The following C16orf74 variants were observed in gnomAD, a reference collection of about 807,000 sequenced individuals.
The protein encoded by C16orf74 is uncharacterized protein C16orf74.
In C16orf74, 10 loss-of-function variants were observed where a neutral mutation model predicts 6.5. That is an observed-to-expected ratio of 1.54 (90% confidence interval 0.95 to 2.61). C16orf74 has a LOEUF of 2.61. Ranked by LOEUF, C16orf74 falls within the 30% of genes most tolerant of loss-of-function variation. The pLI is 0.00. For missense variants in C16orf74, 141 were observed against 105.9 expected, an observed-to-expected ratio of 1.33 and a Z score of -1.45; for synonymous variants, 60 against 42.5, an observed-to-expected ratio of 1.41 and a Z score of -1.60.
chr16:85,745,595 G>C (rs1006646268), intron 1 of C16orf74, among the ~76,000 whole-genome samples: 21 of 151,442 alleles, frequency 1.4e-4, no homozygotes, highest in Admixed American at 1.1e-3. Context: ...ATCTCCCGCT[G>C]GCTGAGGGAC....
intron 2 of C16orf74, among the ~76,000 whole-genome samples, chr16:85,714,174 C>A (rs1407891706): frequency 6.6e-6 from 1 of 152,084 alleles, no homozygotes; most frequent in Non-Finnish European, 1.5e-5. Context: ...ACTCCCTGGG[C>A]TGGGGAGAGA....
rs946973248 is a variant in C16orf74, at chr16:85,707,879, G to C, written c.*129C>G. 2.8e-6 allele frequency: 2 copies of C among 720,342 alleles called. No individual in the cohort carries two copies. The highest frequency in any genetic ancestry group is 1.8e-5 in the African/African-American group (1 of 56,694). The allele number at this position is 720,342 out of a possible 1,614,324, so 44.6% of individuals were successfully genotyped here. On this transcript the variant is annotated 3_prime_UTR_variant, in exon 4 of 4. Coordinates refer to ENST00000284245, the MANE Select transcript of C16orf74 (RefSeq NM_206967.3). ...CGCTGGTCCTGCCACGTCTCTCTGA[G>C]CGGAGGCCCGGGTTCGCTCAGTTCC...
At chr16:85,738,209 C>G (rs966327955) in intron 1 of C16orf74, among the ~76,000 whole-genome samples, 3 of 151,958 alleles carry the variant, frequency 2.0e-5, no homozygotes, top group African/African-American at 7.3e-5. Context: ...CGTGCCACTT[C>G]ACGCCAGCCT....
chr16:85,712,794 G>T (rs149683776), intron 2 of C16orf74, among the ~76,000 whole-genome samples: 3 of 152,190 alleles, frequency 2.0e-5, no homozygotes. Flanking sequence ...GTCTCTGTCC[G>T]CGGTTTCTGA....
At chr16:85,731,443 G>T (rs537509858) in intron 2 of C16orf74, among the ~76,000 whole-genome samples, 2 of 152,324 alleles carry the variant, frequency 1.3e-5, no homozygotes, top group South Asian at 2.1e-4. Context: ...GGTACAGGAG[G>T]GTCACCTGGA....
At chr16:85,719,213 T>C (rs1179707220) in intron 2 of C16orf74, among the ~76,000 whole-genome samples, 14 of 152,238 alleles carry the variant, frequency 9.2e-5, no homozygotes, top group African/African-American at 3.1e-4. Context: ...GTGCACCTGC[T>C]GTGTGCCCTG....
chr16:85,737,828 T>C (rs910175353), intron 1 of C16orf74, among the ~76,000 whole-genome samples: 2 of 151,982 alleles, frequency 1.3e-5, no homozygotes, highest in African/African-American at 2.4e-5. Flanking sequence ...CGAAACTCCA[T>C]CTCAAAAACA....
At chr16:85,744,699 A>G (rs974775679) in intron 1 of C16orf74, among the ~76,000 whole-genome samples, 43 of 151,874 alleles carry the variant, frequency 2.8e-4, no homozygotes, top group South Asian at 6.2e-4. Context: ...GCATGGTGGC[A>G]GGCGCCTGTA....
chr16:85,738,594 G>C (rs1378724956), intron 1 of C16orf74, among the ~76,000 whole-genome samples: 1 of 151,858 alleles, frequency 6.6e-6, no homozygotes, highest in Non-Finnish European at 1.5e-5. Context: ...GCCTCCCAAA[G>C]TGCTGGGATT....
chr16:85,735,130 C>G, intron 2 of C16orf74, 60 bp downstream of exon 2: 1 of 1,517,106 alleles, frequency 6.6e-7, no homozygotes. Flanking sequence ...TCTCTCCTGC[C>G]CCCCAACCCA....
chr16:85,735,353 A>G, intron 1 of C16orf74, 118 bp from the exon 2 acceptor site: 1 of 531,680 alleles, frequency 1.9e-6, no homozygotes, highest in Non-Finnish European at 3.2e-6. Context: ...TGTGGTGGAG[A>G]GAAACCACCG....
At chr16:85,744,930 T>C (rs1348414472) in intron 1 of C16orf74, among the ~76,000 whole-genome samples, 1 of 149,454 alleles carries the variant, frequency 6.7e-6, no homozygotes. Flanking sequence ...TCACCTGAGG[T>C]TGGGAGTTCA....
chr16:85,735,066 G>T, intron 2 of C16orf74, 124 bp downstream of exon 2: 1 of 740,572 alleles, frequency 1.4e-6, no homozygotes, highest in Non-Finnish European at 2.1e-6. Context: ...GTACAGGACT[G>T]CTTTAAGGGA....
chr16:85,731,642 C>T (rs1368660166), intron 2 of C16orf74, among the ~76,000 whole-genome samples: 1 of 152,004 alleles, frequency 6.6e-6, no homozygotes, highest in Non-Finnish European at 1.5e-5. Flanking sequence ...CTAACCGGAG[C>T]CTGTGAGTGG....
chr16:85,731,202 G>C (rs1005216239), intron 2 of C16orf74, among the ~76,000 whole-genome samples: 1 of 152,234 alleles, frequency 6.6e-6, no homozygotes, highest in Admixed American at 6.5e-5. Flanking sequence ...GAGGCCTAGA[G>C]AGACAAGGTC....
chr16:85,748,930 TTTTTTTTTTTTTTTTTTATTTTA>T (rs2054403883), intron 1 of C16orf74, among the ~76,000 whole-genome samples: 1 of 18,384 alleles, frequency 5.4e-5, no homozygotes, highest in Non-Finnish European at 3.5e-4. Flanking sequence ...CTTTGATTTT[TTTTTTTTTTTTTTTTTTATTTTA>T]TTTTTTTTTA....
chr16:85,711,642 A>T, intron 2 of C16orf74, among the ~76,000 whole-genome samples: 1 of 151,624 alleles, frequency 6.6e-6, no homozygotes, highest in East Asian at 1.9e-4. Flanking sequence ...AAAAAAAAAA[A>T]AAAATTAAAC....
At chr16:85,709,119 C>G (rs2053941944) in intron 3 of C16orf74, among the ~76,000 whole-genome samples, 1 of 152,196 alleles carries the variant, frequency 6.6e-6, no homozygotes, top group African/African-American at 2.4e-5. Context: ...CTTTGGGAGG[C>G]CCAGGTGGGC....
intron 2 of C16orf74, among the ~76,000 whole-genome samples, chr16:85,718,651 C>A (rs773210542): frequency 3.3e-4 from 50 of 152,348 alleles, no homozygotes; most frequent in Non-Finnish European, 6.3e-4. Context: ...ACACTTGAGT[C>A]CTCACTCCAG....
Sources: allele counts gnomAD v4.1 joint callset (sites outside exome capture counted in the v4.1 genomes callset), GRCh38; gene constraint gnomAD v4.1.1; transcripts MANE v1.5; gene names NCBI Gene and HGNC (gene_info 2026-07-23, HGNC 2026-07-21).